The following CDC5L variants were observed in gnomAD, a reference collection of about 807,000 sequenced individuals.
CDC5L encodes the protein cell division cycle 5-like protein.
In CDC5L, 18 loss-of-function variants were observed where a neutral mutation model predicts 104.1. The observed-to-expected ratio is 0.17, with a 90% CI of 0.12 to 0.26. CDC5L has a LOEUF of 0.26. Among genes scored for constraint, CDC5L ranks in the 10% least tolerant of loss-of-function variants. The pLI, the probability that CDC5L is intolerant of heterozygous loss-of-function variation, is 1.00. For missense variants in CDC5L, 673 were observed against 956.9 expected (o/e 0.70, Z 3.91); for synonymous variants, 331 against 322.7 (o/e 1.03, Z -0.28).
chr6:44,429,703 T>C lies in CDC5L; in HGVS notation c.1894-10T>C. On this transcript the variant is annotated splice_polypyrimidine_tract_variant and intron_variant, in intron 13 of 15. Transcript: ENST00000371477. ...GTACTTAAACTTATTGAAATTATTA[T>C]TGTAAACAGGCCCAGGATGTTTTGG... 6.2e-7 allele frequency: 1 copy of C among 1,611,660 alleles called. No homozygotes were observed. Among genetic ancestry groups the C allele is most frequent in the Non-Finnish European group, 8.5e-7 (1 of 1,177,998 alleles).
chr6:44,431,742 T>G (rs899223822), intron 14 of CDC5L, among the ~76,000 whole-genome samples: 3 of 152,164 alleles, frequency 2.0e-5, no homozygotes, highest in African/African-American at 7.2e-5. Context: ...GTTGAATTGG[T>G]CTTATGAATT....
At chr6:44,390,444 A>T in intron 2 of CDC5L, 73 bp downstream of exon 2, 1 of 930,088 alleles carries the variant, frequency 1.1e-6, no homozygotes, top group Non-Finnish European at 1.7e-6. Flanking sequence ...CAACTCTGTG[A>T]ACCTTATCAA....
intron 2 of CDC5L, among the ~76,000 whole-genome samples, chr6:44,392,188 A>G (rs1240563191): frequency 1.3e-5 from 2 of 152,236 alleles, no homozygotes; most frequent in African/African-American, 4.8e-5. Context: ...GGAATGTCAT[A>G]GTAGTTTTAC....
intron 14 of CDC5L, among the ~76,000 whole-genome samples, chr6:44,440,674 A>C (rs1427249678): frequency 6.6e-6 from 1 of 151,356 alleles, no homozygotes; most frequent in Non-Finnish European, 1.5e-5. Flanking sequence ...CCTCAAATAC[A>C]TACCACTTCT....
chr6:44,415,548 A>G (rs1402411091), intron 8 of CDC5L, among the ~76,000 whole-genome samples: 1 of 152,008 alleles, frequency 6.6e-6, no homozygotes, highest in African/African-American at 2.4e-5. Flanking sequence ...GTCCTCCCCC[A>G]TGTCAGGTTT....
At chr6:44,395,969 A>G (rs192500035) in intron 4 of CDC5L, among the ~76,000 whole-genome samples, 4 of 152,350 alleles carry the variant, frequency 2.6e-5, no homozygotes, top group East Asian at 3.9e-4. Context: ...GTTAGTTGAT[A>G]ATAATGAAGG....
intron 8 of CDC5L, among the ~76,000 whole-genome samples, chr6:44,416,264 A>G (rs1365048458): frequency 6.6e-6 from 1 of 152,182 alleles, no homozygotes; most frequent in Non-Finnish European, 1.5e-5. Context: ...GATTGGAGAA[A>G]GGTCACCAGC....
rs9381323 is a variant in CDC5L, at chr6:44,438,010, C to T, written c.2092-7645C>T. 2.9e-3 allele frequency among the ~76,000 whole-genome samples: 434 copies of T among 152,206 alleles called. 9 individuals are homozygous for T. In the East Asian group the frequency reaches 0.061, roughly 21 times the overall value. Reference sequence around the variant, plus strand: ...TGTTGACCAGGCTGGAGTGCAGTGGCGCGATCATGGCTCACTGCTGCCTCC... The same window carrying T: ...TGTTGACCAGGCTGGAGTGCAGTGGTGCGATCATGGCTCACTGCTGCCTCC... On this transcript the variant is annotated intron_variant, in intron 14 of 15. Transcript: ENST00000371477.
Position 44,440,300 on chromosome 6 carries a change from C to T in CDC5L, c.2092-5355C>T, listed in dbSNP as rs187820784. On this transcript the variant is annotated intron_variant, in intron 14 of 15. Transcript: ENST00000371477. ...TCTGTTGCTCAGGCTGGAGTGCAGT[C>T]GCCTGATCTTGGCTCATTGCAACCT... Among the ~76,000 whole-genome samples the T allele has an allele frequency of 3.9e-3, 577 of 146,262 alleles. 2 individuals carry two copies. Among genetic ancestry groups the T allele is most frequent in the Non-Finnish European group, 4.8e-3 (325 of 67,024 alleles).
At chr6:44,417,995 A>G (rs1419391744) in intron 8 of CDC5L, among the ~76,000 whole-genome samples, 1 of 152,168 alleles carries the variant, frequency 6.6e-6, no homozygotes, top group Non-Finnish European at 1.5e-5. Flanking sequence ...ACTTCTTTTT[A>G]AATTTTATTA....
chr6:44,445,963 G>T (rs953333633), intron 15 of CDC5L, 96 bp downstream of exon 15: 11 of 941,732 alleles, frequency 1.2e-5, no homozygotes, highest in African/African-American at 3.3e-5. Flanking sequence ...TGTCTCTGAA[G>T]TTGGTACTGT....
Position 44,387,989 on chromosome 6 carries a change from G to A in CDC5L, c.45+121G>A, listed in dbSNP as rs11571899. On this transcript the variant is annotated intron_variant, in intron 1 of 15. Coordinates refer to ENST00000371477, the MANE Select transcript of CDC5L (RefSeq NM_001253.4). ...TGGGGTCTGCGTGGAGGGCAGCCCG[G>A]GGGCTGACCCTTGGGGCCCTTTCCG... 2.1e-3 allele frequency: 1,797 copies of A among 873,802 alleles called. 28 individuals carry two copies. The African/African-American group carries it at 0.028, about 14-fold the overall frequency. 54.1% of individuals were successfully genotyped at this position (873,802 alleles called of 1,614,324 possible).
In CDC5L at chr6:44,415,394, T is replaced by C. The variant is rs149092255; in HGVS notation, c.1093-4055T>C. On this transcript the variant is annotated intron_variant, in intron 8 of 15. Transcript: ENST00000371477. ...AAGTTATATATTTGTTGGAATTGGG[T>C]TTAGCTGTAACAGAAAACCTCTAAC... Among the ~76,000 whole-genome samples, 151 of 152,324 alleles carry C rather than the reference T, an allele frequency of 9.9e-4. 1 individual carries two copies. Among genetic ancestry groups the C allele is most frequent in the African/African-American group, 3.1e-3 (130 of 41,566 alleles).
chr6:44,445,742 C>T lies in CDC5L; in HGVS notation c.2179C>T (p.Arg727Cys), dbSNP rs368936995. ...AATTTTGCTTGGGGGTTACCAGTCT[C>T]GTGCTATGGGGCTCATGAAACAGTT... ...MKILLGGYQS[R>C]AMGLMKQLND... is the part of the protein sequence containing the mutation. The change falls in exon 15 of 16, where the codon CGT becomes TGT. Residue 727 changes from arginine to cysteine, a missense_variant. Transcript: ENST00000371477. The T allele has an allele frequency of 3.7e-6, 6 of 1,613,908 alleles. No homozygotes were observed. The highest frequency in any genetic ancestry group is 4.5e-5 in the East Asian group (2 of 44,894).
intron 8 of CDC5L, among the ~76,000 whole-genome samples, 190 bp downstream of exon 8, chr6:44,408,822 A>G (rs1001941068): frequency 6.6e-6 from 1 of 152,168 alleles, no homozygotes; most frequent in Non-Finnish European, 1.5e-5. Flanking sequence ...AGGTAGTTTT[A>G]TTTTCACATT....
intron 14 of CDC5L, among the ~76,000 whole-genome samples, chr6:44,437,212 A>G (rs1403372122): frequency 7.1e-4 from 108 of 152,282 alleles, no homozygotes; most frequent in Non-Finnish European, 1.2e-4. Context: ...CTGTCCCTGT[A>G]TGCATGTACA....
chr6:44,422,743 C>T lies in CDC5L; in HGVS notation c.1338C>T (p.Asp446=), dbSNP rs1166815016. 1.9e-6 allele frequency: 3 copies of T among 1,612,338 alleles called. No individual in the cohort carries two copies. The East Asian group carries it at 6.7e-5, about 36-fold the overall frequency. The change falls in exon 10 of 16, where the codon GAC becomes GAT. Residue 446 remains aspartate (D), a synonymous_variant. Transcript: ENST00000371477. Reference sequence around the variant, plus strand: ...CTCCGGGTAGAACTCCTCTTCGAGACAAGTTAAACATTAATCCCGAGGATG... The same window carrying T: ...CTCCGGGTAGAACTCCTCTTCGAGATAAGTTAAACATTAATCCCGAGGATG... ...NSTPGRTPLR[D]KLNINPEDGM...
At position 44,449,025 on chromosome 6, in the gene CDC5L, G is replaced by A. The variant is rs1278613620; in HGVS notation, c.*2314G>A. On this transcript the variant is annotated 3_prime_UTR_variant, in exon 16 of 16. Transcript: ENST00000371477. ...ACATTAAATCATCTTTGCACTCCTG[G>A]AATCAGGTAGATTAATTTTTAAAAG... The A allele has an allele frequency of 6.6e-6, 1 of 152,088 alleles. No individual in the cohort carries two copies. The highest frequency in any genetic ancestry group is 2.4e-5 in the African/African-American group (1 of 41,406). The allele number at this position is 152,088 out of a possible 1,614,324, so 9.4% of individuals were successfully genotyped here.
chr6:44,420,827 T>A (rs1792135961), intron 9 of CDC5L, among the ~76,000 whole-genome samples: 1 of 152,216 alleles, frequency 6.6e-6, no homozygotes. Context: ...ACATTTCAGA[T>A]AAGGGATACT....
Sources: allele counts gnomAD v4.1 joint callset (sites outside exome capture counted in the v4.1 genomes callset), GRCh38; gene constraint gnomAD v4.1.1; transcripts MANE v1.5; gene names NCBI Gene and HGNC (gene_info 2026-07-23, HGNC 2026-07-21).